Variants in AK9 observed in about 807,000 individuals in gnomAD.
The protein encoded by AK9 is adenylate kinase domain containing 1.
A neutral mutation model predicts 239.6 loss-of-function variants in AK9; 191 were observed. That is an observed-to-expected ratio of 0.80 (90% CI 0.71 to 0.90). The LOEUF is 0.90. Among genes scored for constraint, AK9 ranks in the 40% least tolerant of loss-of-function variants. AK9 has a pLI of 0.00. For synonymous variants in AK9, 689 were observed against 721.0 expected, an observed-to-expected ratio of 0.96 and a Z score of 0.71; for missense variants, 1,995 against 2,214.7, an observed-to-expected ratio of 0.90 and a Z score of 1.99.
intron 29 of AK9, among the ~76,000 whole-genome samples, chr6:109,526,490 G>T (rs1250936515): frequency 6.6e-6 from 1 of 152,046 alleles, no homozygotes; most frequent in Non-Finnish European, 1.5e-5. Flanking sequence ...CTAGATTTGG[G>T]GTAAGCTGTG....
intron 12 of AK9, among the ~76,000 whole-genome samples, chr6:109,620,036 A>G (rs1794630947): frequency 6.6e-6 from 1 of 152,082 alleles, no homozygotes; most frequent in Non-Finnish European, 1.5e-5. Flanking sequence ...AATATACTAC[A>G]GTTTTTTATT....
In AK9 at chr6:109,614,287, T is replaced by C; in HGVS notation, c.1505A>G (p.Gln502Arg). Residue 502 changes from glutamine to arginine, a missense_variant, in exon 15 of 41, where the codon CAA becomes CGA. By Grantham distance (43) the Gln-to-Arg change is conservative. This residue lies in a region of AK9 where 1,290 missense variants were observed against 1,392.7 expected (regional missense o/e 0.93). Coordinates refer to ENST00000424296, the MANE Select transcript of AK9 (RefSeq NM_001145128.3). ...GCTGCCTCTGTCCCTTTGGGAGCCT[T>C]GAATGTACCCTGCAATGAAAGAATA... Reference protein sequence around the residue: ...HSSIDEEGYIQGSQRDRGSSL... With the variant: ...HSSIDEEGYIRGSQRDRGSSL... 6.4e-7 allele frequency: 1 copy of C among 1,551,458 alleles called. No homozygotes were observed. Among genetic ancestry groups the C allele is most frequent in the Non-Finnish European group, 8.7e-7 (1 of 1,146,740 alleles).
intron 24 of AK9, among the ~76,000 whole-genome samples, chr6:109,560,040 T>A (rs1785546230): frequency 6.6e-6 from 1 of 152,178 alleles, no homozygotes; most frequent in Admixed American, 6.5e-5. Context: ...TGTGATTACA[T>A]TGGTCCACGT....
In AK9 at chr6:109,623,575, C is replaced by T. The variant is rs1197571127; in HGVS notation, c.1255-4339G>A. Among the ~76,000 whole-genome samples, 3 of 152,076 alleles carry T rather than the reference C, an allele frequency of 2.0e-5. No individual in the cohort carries two copies. The East Asian group carries it at 5.8e-4, about 29-fold the overall frequency. ...TGTAACCTCATGAAAGCATTTAGGACAGAACCATGTAGCTAAGCCACTCCT... is the reference window on the plus strand; with the variant it reads ...TGTAACCTCATGAAAGCATTTAGGATAGAACCATGTAGCTAAGCCACTCCT... On this transcript the variant is annotated intron_variant, in intron 12 of 40. Coordinates refer to ENST00000424296, the MANE Select transcript of AK9 (RefSeq NM_001145128.3).
At chr6:109,518,254 T>C (rs1190762923) in intron 29 of AK9, among the ~76,000 whole-genome samples, 7 of 152,156 alleles carry the variant, frequency 4.6e-5, no homozygotes, top group African/African-American at 1.4e-4. Context: ...AGCTTGGCTA[T>C]GGAGCAGGGT....
At chr6:109,550,837 C>A (rs1784271645) in intron 24 of AK9, among the ~76,000 whole-genome samples, 1 of 152,040 alleles carries the variant, frequency 6.6e-6, no homozygotes, top group South Asian at 2.1e-4. Flanking sequence ...ATTAAGGATT[C>A]TTTCAATTTA....
At chr6:109,574,610 C>T (rs552072384) in intron 20 of AK9, among the ~76,000 whole-genome samples, 30 of 152,112 alleles carry the variant, frequency 2.0e-4, no homozygotes, top group Non-Finnish European at 3.4e-4. Context: ...AAAATAAATT[C>T]GGAATTATTT....
intron 18 of AK9, 58 bp downstream of exon 18, chr6:109,585,857 AC>A: frequency 6.8e-7 from 1 of 1,470,594 alleles, no homozygotes. Flanking sequence ...TCTATATTTA[AC>A]CAAAAATATC....
rs995046117 is a variant in AK9, at chr6:109,545,858, G to C, written c.3225+9C>G. 1.9e-6 allele frequency: 3 copies of C among 1,585,634 alleles called. No individual in the cohort carries two copies. Among genetic ancestry groups the C allele is most frequent in the Admixed American group, 1.9e-5 (1 of 51,976 alleles). On this transcript the variant is annotated intron_variant, in intron 26 of 40. Coordinates refer to ENST00000424296, the MANE Select transcript of AK9 (RefSeq NM_001145128.3). ...AAAACAAACAAAAAACAAAAAAAGA[G>C]ATTACTACCTGCTTTTTTGTATTTT...
intron 29 of AK9, among the ~76,000 whole-genome samples, chr6:109,519,774 C>CA (rs58292452): frequency 0.013 from 1,845 of 143,674 alleles, 41 homozygotes; most frequent in African/African-American, 0.037. Flanking sequence ...CATCCTGTCT[C>CA]AAAAAAAAAA....
At chr6:109,634,101 C>T (rs1796439990) in intron 10 of AK9, among the ~76,000 whole-genome samples, 1 of 152,064 alleles carries the variant, frequency 6.6e-6, no homozygotes, top group African/African-American at 2.4e-5. Flanking sequence ...AATTTAATTG[C>T]CATTGTGATG....
intron 22 of AK9, 102 bp from the exon 23 acceptor site, chr6:109,564,382 TA>T (rs1168524528): frequency 1.0e-5 from 8 of 791,088 alleles, no homozygotes; most frequent in Admixed American, 3.3e-5. Flanking sequence ...TTTAAACAGT[TA>T]AAAAAATAAT....
intron 19 of AK9, among the ~76,000 whole-genome samples, chr6:109,582,652 G>C (rs1419312675): frequency 6.6e-6 from 1 of 152,164 alleles, no homozygotes; most frequent in Admixed American, 6.5e-5. Context: ...TGTGAATACT[G>C]TTGAAATTAC....
In AK9 at chr6:109,633,041, G is replaced by A. The variant is rs746049845; in HGVS notation, c.1136C>T (p.Pro379Leu). 4 of 1,577,066 alleles carry A rather than the reference G, an allele frequency of 2.5e-6. No homozygotes were observed. The highest frequency in any genetic ancestry group is 3.4e-6 in the Non-Finnish European group (4 of 1,167,924). Residue 379 changes from proline to leucine, a missense_variant, in exon 12 of 41, where the codon CCA (proline) becomes CTA (leucine). By Grantham distance (98) the Pro-to-Leu change is moderately conservative. Transcript: ENST00000424296. ...CATAGGTGGAAGCAGATAGGGACGT[G>A]GGTTCAACAAAAATGGTTTTAATGC... The part of the protein sequence containing the change: ...EEALKPFLLN[P>L]RPYLLPPMPG...
intron 13 of AK9, among the ~76,000 whole-genome samples, chr6:109,618,168 A>G (rs1794400804): frequency 1.3e-5 from 2 of 152,178 alleles, no homozygotes; most frequent in Non-Finnish European, 1.5e-5. Flanking sequence ...GTGGTGACTG[A>G]ATCTAGCTAA....
At chr6:109,600,444 G>C (rs1583197841) in intron 17 of AK9, among the ~76,000 whole-genome samples, 1 of 152,292 alleles carries the variant, frequency 6.6e-6, no homozygotes, top group East Asian at 1.9e-4. Context: ...GATCATGGTG[G>C]ATAAGCTTTT....
intron 16 of AK9, among the ~76,000 whole-genome samples, chr6:109,611,692 G>A (rs1218576548): frequency 3.9e-5 from 6 of 152,120 alleles, no homozygotes; most frequent in Non-Finnish European, 8.8e-5. Context: ...TAGGTACACT[G>A]ATGTGATGGC....
chr6:109,595,914 T>C (rs1034850002), intron 17 of AK9, among the ~76,000 whole-genome samples: 1 of 152,106 alleles, frequency 6.6e-6, no homozygotes, highest in African/African-American at 2.4e-5. Context: ...GATGGGTTGA[T>C]GGGTGCAGCA....
intron 25 of AK9, 49 bp downstream of exon 25, chr6:109,550,041 C>T: frequency 6.4e-7 from 1 of 1,573,538 alleles, no homozygotes. Flanking sequence ...GTAATCAGTC[C>T]CAAAAAAATC....
Sources: gnomAD v4.1 joint callset for allele counts (sites outside exome capture counted in the v4.1 genomes callset) on GRCh38, gnomAD v4.1.1 for gene constraint, gnomAD v4.1.1 regional missense constraint, MANE v1.5 for transcripts, NCBI Gene and HGNC (gene_info 2026-07-23, HGNC 2026-07-21) for gene names.